UVRAG: variants seen among roughly 807,000 people sequenced by gnomAD.
UVRAG encodes UV radiation resistance-associated gene protein.
In UVRAG, 19 loss-of-function variants were observed where a neutral mutation model predicts 78.0. That is an observed-to-expected ratio of 0.24 (90% confidence interval 0.17 to 0.36). The LOEUF is 0.36. Among genes scored for constraint, UVRAG ranks in the 10% least tolerant of loss-of-function variants. UVRAG has a pLI of 1.00. For synonymous variants in UVRAG, 323 were observed against 324.6 expected (o/e 1.00, Z 0.05); for missense variants, 740 against 853.8 (o/e 0.87, Z 1.66).
At position 76,140,728 on chromosome 11, in the gene UVRAG, C is replaced by T. The variant is rs759673800; in HGVS notation, c.1415C>T (p.Ser472Phe). The part of the protein sequence containing the change: ...LMVRCDRHHT[S>F]SAIPVPKRQS... ...TCTTCTAGTGACAGACATCACACCT[C>T]CAGTGCAATCCCTGTTCCTAAGAGA... The change falls in exon 15 of 15, where the codon TCC (serine) becomes TTC (phenylalanine). Residue 472 changes from serine to phenylalanine, a missense_variant. Ser to Phe is a radical substitution (Grantham distance 155). Transcript: ENST00000356136. 5.0e-6 allele frequency: 8 copies of T among 1,591,890 alleles called. No individual in the cohort carries two copies. In the South Asian group the frequency reaches 8.0e-5, roughly 16 times the overall value.
At chr11:75,840,942 C>A (rs1590921732) in intron 1 of UVRAG, among the ~76,000 whole-genome samples, 1 of 152,190 alleles carries the variant, frequency 6.6e-6, no homozygotes, top group Admixed American at 6.5e-5. Flanking sequence ...TTTAAACTGA[C>A]TTGAATTTAT....
intron 3 of UVRAG, among the ~76,000 whole-genome samples, chr11:75,879,194 A>G (rs1175065459): frequency 6.6e-6 from 1 of 152,206 alleles, no homozygotes; most frequent in Non-Finnish European, 1.5e-5. Flanking sequence ...CAAAAGGCAT[A>G]AAAGATCCTT....
chr11:76,128,073 G>A (rs80196677), intron 14 of UVRAG, among the ~76,000 whole-genome samples: 1,560 of 152,306 alleles, frequency 0.01, 31 homozygotes, highest in African/African-American at 0.035. Flanking sequence ...GTGCTTTTCA[G>A]TAGGCATTCA....
intron 13 of UVRAG, among the ~76,000 whole-genome samples, chr11:76,072,213 G>A (rs1484543476): frequency 6.6e-6 from 1 of 152,142 alleles, no homozygotes; most frequent in Non-Finnish European, 1.5e-5. Context: ...GAGAGGAATG[G>A]ACAGTCAGGT....
chr11:75,826,483 CA>C (rs11289696), intron 1 of UVRAG, among the ~76,000 whole-genome samples: 31,443 of 152,182 alleles, frequency 0.21, 5,278 homozygotes, highest in African/African-American at 0.47. Context: ...GGTCCTTTGG[CA>C]ACATTAGCCT....
In UVRAG at chr11:76,143,957, A is replaced by AAATG. The variant is rs377674282; in HGVS notation, c.*2548_*2551dup. Among the ~76,000 whole-genome samples, 4 of 152,360 alleles carry AAATG rather than the reference A, an allele frequency of 2.6e-5. No individual in the cohort carries two copies. The highest frequency in any genetic ancestry group is 9.6e-5 in the African/African-American group (4 of 41,580). ...TTTTAAACAGCGGGCAAATGTTATC[A>AAATG]AATGAATATTTGATTGTGTTTTTTC... On this transcript the variant is annotated 3_prime_UTR_variant, in exon 15 of 15. Coordinates refer to ENST00000356136, the MANE Select transcript of UVRAG (RefSeq NM_003369.4).
chr11:75,941,506 T>C (rs1738494691), intron 6 of UVRAG, among the ~76,000 whole-genome samples: 1 of 152,156 alleles, frequency 6.6e-6, no homozygotes, highest in Non-Finnish European at 1.5e-5. Flanking sequence ...TTATACTTAC[T>C]GGTTGAGCGT....
chr11:75,852,198 C>T (rs1946167756), intron 2 of UVRAG, among the ~76,000 whole-genome samples, 198 bp downstream of exon 2: 6 of 152,206 alleles, frequency 3.9e-5, no homozygotes, highest in African/African-American at 7.2e-5. Context: ...GATAACTGAG[C>T]CTTACATTGA....
chr11:75,970,115 T>G (rs1227131205), intron 7 of UVRAG, among the ~76,000 whole-genome samples: 1 of 152,208 alleles, frequency 6.6e-6, no homozygotes, highest in Non-Finnish European at 1.5e-5. Flanking sequence ...GAAGACACAT[T>G]CATAGTGCAG....
In UVRAG at chr11:75,897,574, G is replaced by T. The variant is rs138471624; in HGVS notation, c.507+8671G>T. Among the ~76,000 whole-genome samples, 137 of 152,228 alleles carry T rather than the reference G, an allele frequency of 9.0e-4. 1 individual carries two copies. In the East Asian group the frequency reaches 0.019, roughly 22 times the overall value. On this transcript the variant is annotated intron_variant, in intron 5 of 14. Transcript: ENST00000356136. ...GCATCTCATTCTGTCACCCAGGCTG[G>T]AGTGCAGTGGCATGATCTCGGCTCA...
At chr11:76,010,037 T>G (rs1392077294) in intron 11 of UVRAG, among the ~76,000 whole-genome samples, 1 of 152,162 alleles carries the variant, frequency 6.6e-6, no homozygotes, top group East Asian at 1.9e-4. Context: ...GGTAATAATA[T>G]AGCTAGGATT....
At chr11:75,900,322 C>T (rs1947462810) in intron 5 of UVRAG, among the ~76,000 whole-genome samples, 1 of 152,142 alleles carries the variant, frequency 6.6e-6, no homozygotes, top group Non-Finnish European at 1.5e-5. Flanking sequence ...CTCACCCCAT[C>T]CTGTAAGTTA....
Position 75,815,361 on chromosome 11 carries a change from A to G in UVRAG, c.-47A>G, listed in dbSNP as rs1945234769. The G allele has an allele frequency of 1.9e-6, 2 of 1,060,734 alleles. No homozygotes were observed. Among genetic ancestry groups the G allele is most frequent in the African/African-American group, 1.6e-5 (1 of 61,242 alleles). The allele number at this position is 1,060,734 out of a possible 1,614,324, so 65.7% of individuals were successfully genotyped here. ...GGTGGTGGCAAGGGGGCGGCGGCGG[A>G]TGCCGGAAGAGTGCCCGCCCCGCCG... On this transcript the variant is annotated 5_prime_UTR_variant, in exon 1 of 15. It removes an upstream start codon present in the reference 5' UTR. Transcript: ENST00000356136.
chr11:76,022,568 T>A (rs1840297406), intron 12 of UVRAG, among the ~76,000 whole-genome samples: 2 of 152,214 alleles, frequency 1.3e-5, no homozygotes, highest in African/African-American at 4.8e-5. Context: ...AAAAGACTGT[T>A]TTATCTGATA....
intron 12 of UVRAG, among the ~76,000 whole-genome samples, chr11:76,022,701 C>A (rs117173632): frequency 1.8e-4 from 27 of 152,202 alleles, no homozygotes; most frequent in Admixed American, 5.2e-4. Context: ...TTGGAGCATG[C>A]CTTTTATGCA....
intron 1 of UVRAG, among the ~76,000 whole-genome samples, chr11:75,845,904 A>T (rs1189268315): frequency 6.6e-6 from 1 of 152,206 alleles, no homozygotes; most frequent in Non-Finnish European, 1.5e-5. Flanking sequence ...TATGTCACAG[A>T]CATGAAAGAA....
chr11:75,878,900 A>C (rs188856413), intron 3 of UVRAG, among the ~76,000 whole-genome samples: 1 of 81,360 alleles, frequency 1.2e-5, no homozygotes, highest in African/African-American at 4.4e-5. Context: ...GGACAGGGAC[A>C]GGGAGGGGGA....
At chr11:75,987,726 A>T (rs544489517) in intron 8 of UVRAG, among the ~76,000 whole-genome samples, 1 of 147,508 alleles carries the variant, frequency 6.8e-6, no homozygotes, top group East Asian at 2.0e-4. Flanking sequence ...CCATTTTGTC[A>T]TTTTTGCATT....
chr11:76,033,413 CTTATA>C (rs368601825), intron 12 of UVRAG, among the ~76,000 whole-genome samples: 5 of 152,110 alleles, frequency 3.3e-5, no homozygotes, highest in African/African-American at 1.2e-4. Flanking sequence ...TTGAATTTAT[CTTATA>C]TTATTCCAGT....
Sources: gnomAD v4.1 joint callset for allele counts (sites outside exome capture counted in the v4.1 genomes callset) on GRCh38, gnomAD v4.1.1 for gene constraint, MANE v1.5 for transcripts, NCBI Gene and HGNC (gene_info 2026-07-23, HGNC 2026-07-21) for gene names.